Variants in TCF4 observed in about 807,000 individuals in gnomAD.
TCF4 encodes the protein SL3-3 enhancer factor 2.
Under a neutral mutation model 82.1 loss-of-function variants are expected in TCF4, and 3 were observed. The observed-to-expected ratio is 0.04, with a 90% confidence interval of 0.02 to 0.09. TCF4 has a LOEUF of 0.09. Among genes scored for constraint, TCF4 ranks in the 10% least tolerant of loss-of-function variants. The pLI is 1.00. For missense variants in TCF4, 518 were observed against 852.7 expected (o/e 0.61, Z 4.89); for synonymous variants, 276 against 309.6 (o/e 0.89, Z 1.14).
intron 3 of TCF4, among the ~76,000 whole-genome samples, chr18:55,479,847 G>A (rs985214106): frequency 2.0e-5 from 3 of 152,122 alleles, no homozygotes; most frequent in Admixed American, 6.5e-5. Context: ...ACAGACTTCC[G>A]TGAATTCTGG....
At chr18:55,528,324 G>A (rs2097016180) in intron 3 of TCF4, among the ~76,000 whole-genome samples, 1 of 152,126 alleles carries the variant, frequency 6.6e-6, no homozygotes, top group Non-Finnish European at 1.5e-5. Flanking sequence ...TAATAAAAAT[G>A]AAGTCTAGAA....
intron 6 of TCF4, among the ~76,000 whole-genome samples, chr18:55,387,130 G>A (rs1008272070): frequency 1.2e-4 from 18 of 152,164 alleles, no homozygotes; most frequent in Admixed American, 1.1e-3. Context: ...GTAGTTCATG[G>A]GATCCTCCCA....
At chr18:55,514,554 A>G (rs1035262728) in intron 3 of TCF4, among the ~76,000 whole-genome samples, 1 of 152,168 alleles carries the variant, frequency 6.6e-6, no homozygotes, top group Non-Finnish European at 1.5e-5. Flanking sequence ...ATTCAAATAA[A>G]TCATTAAATA....
At chr18:55,267,042 C>T (rs995190922) in intron 11 of TCF4, 3 of 152,184 alleles carry the variant, frequency 2.0e-5, no homozygotes, top group Non-Finnish European at 2.9e-5. Flanking sequence ...AAGACATCAA[C>T]ACCATGTATG....
intron 4 of TCF4, among the ~76,000 whole-genome samples, chr18:55,462,858 G>A (rs768403339): frequency 1.3e-5 from 2 of 152,146 alleles, no homozygotes; most frequent in South Asian, 4.1e-4. Flanking sequence ...GACAGCTGGT[G>A]TAAGGGCTCA....
chr18:55,518,690 C>T lies in TCF4; in HGVS notation c.146-54553G>A, dbSNP rs150341756. On this transcript the variant is annotated intron_variant, in intron 3 of 19. Transcript: ENST00000354452. ...AATATGAAAATTGTGTGAATATATA[C>T]GAAGGGACACAGACAAAAATCAGTT... Among the ~76,000 whole-genome samples, 269 of 152,070 alleles carry T rather than the reference C, an allele frequency of 1.8e-3. 3 individuals carry two copies. The highest frequency in any genetic ancestry group is 4.5e-3 in the African/African-American group (185 of 41,472).
At chr18:55,464,956 C>G (rs562437789) in intron 3 of TCF4, among the ~76,000 whole-genome samples, 2 of 152,128 alleles carry the variant, frequency 1.3e-5, no homozygotes, top group Non-Finnish European at 2.9e-5. Context: ...GGCAAATACG[C>G]AGGATGGAAA....
intron 6 of TCF4, among the ~76,000 whole-genome samples, chr18:55,382,692 A>G (rs2092109271): frequency 6.6e-6 from 1 of 152,232 alleles, no homozygotes; most frequent in South Asian, 2.1e-4. Flanking sequence ...TCTAATAATA[A>G]ACATAAATAA....
intron 8 of TCF4, among the ~76,000 whole-genome samples, chr18:55,337,579 G>A (rs1186439547): frequency 6.6e-6 from 1 of 152,124 alleles, no homozygotes; most frequent in Non-Finnish European, 1.5e-5. Context: ...AAAAGCAGAA[G>A]GTAATTTTAT....
chr18:55,631,067 T>TC (rs1555792944), intron 2 of TCF4, among the ~76,000 whole-genome samples: 11 of 151,492 alleles, frequency 7.3e-5, no homozygotes, highest in African/African-American at 2.7e-4. Context: ...TTTTTTTTTT[T>TC]GAAATAGAAT....
chr18:55,488,988 G>C (rs950125365), intron 3 of TCF4, among the ~76,000 whole-genome samples: 3 of 152,158 alleles, frequency 2.0e-5, no homozygotes, highest in Non-Finnish European at 2.9e-5. Flanking sequence ...CTCTGTGGCA[G>C]TTCATTCTCT....
intron 8 of TCF4, among the ~76,000 whole-genome samples, chr18:55,285,150 AAGG>A (rs1456562172): frequency 2.0e-5 from 3 of 152,190 alleles, no homozygotes; most frequent in Admixed American, 2.0e-4. Context: ...TCCATAAAGC[AAGG>A]AGAAGATGTA....
At chr18:55,397,240 C>T (rs962224097) in intron 6 of TCF4, among the ~76,000 whole-genome samples, 1 of 152,174 alleles carries the variant, frequency 6.6e-6, no homozygotes, top group African/African-American at 2.4e-5. Context: ...ACACAGCACC[C>T]CCAATGAAGT....
intron 3 of TCF4, among the ~76,000 whole-genome samples, chr18:55,569,283 A>C (rs547488942): frequency 1.4e-4 from 22 of 152,164 alleles, no homozygotes; most frequent in Admixed American, 4.6e-4. Context: ...GTCACACATG[A>C]TGTGACAGAT....
intron 8 of TCF4, among the ~76,000 whole-genome samples, chr18:55,331,388 T>C (rs145408751): frequency 5.3e-5 from 8 of 152,358 alleles, no homozygotes; most frequent in Non-Finnish European, 8.8e-5. Context: ...GGCATCTACC[T>C]TGCTGCTCCC....
At chr18:55,556,320 T>G (rs183728117) in intron 3 of TCF4, among the ~76,000 whole-genome samples, 3 of 152,226 alleles carry the variant, frequency 2.0e-5, no homozygotes, top group Non-Finnish European at 2.9e-5. Flanking sequence ...TCAGTTATAT[T>G]TGATGAGACT....
intron 15 of TCF4, among the ~76,000 whole-genome samples, chr18:55,237,048 A>ATC (rs1305862959): frequency 6.6e-6 from 1 of 152,232 alleles, no homozygotes; most frequent in African/African-American, 2.4e-5. Context: ...TCTAGATCAC[A>ATC]TTGAGGTAAG....
intron 3 of TCF4, among the ~76,000 whole-genome samples, chr18:55,534,458 G>A (rs993615177): frequency 4.6e-5 from 7 of 152,192 alleles, no homozygotes; most frequent in African/African-American, 1.7e-4. Context: ...TTGGGAAGGG[G>A]CTCCAAGCCC....
At chr18:55,420,972 A>G (rs1429519666) in intron 5 of TCF4, among the ~76,000 whole-genome samples, 1 of 152,090 alleles carries the variant, frequency 6.6e-6, no homozygotes, top group Non-Finnish European at 1.5e-5. Context: ...AAAAGAAAAT[A>G]AAAAAAGCTC....
Sources: gnomAD v4.1 joint callset for allele counts (sites outside exome capture counted in the v4.1 genomes callset) on GRCh38, gnomAD v4.1.1 for gene constraint, MANE v1.5 for transcripts, NCBI Gene and HGNC (gene_info 2026-07-23, HGNC 2026-07-21) for gene names.